Variants in DYNC2H1 observed in about 807,000 individuals in gnomAD.
The protein encoded by DYNC2H1 is cytoplasmic dynein 2 heavy chain 1.
A neutral mutation model predicts 570.0 loss-of-function variants in DYNC2H1; 410 were observed. The ratio of observed to expected loss-of-function variants is 0.72; its 90% confidence interval spans 0.66 to 0.78. DYNC2H1 has a LOEUF of 0.78. Among genes scored for constraint, DYNC2H1 ranks in the 30% least tolerant of loss-of-function variants. DYNC2H1 has a pLI of 0.00. For missense variants in DYNC2H1, 4,865 were observed against 5,046.4 expected, an observed-to-expected ratio of 0.96 and a Z score of 1.09; for synonymous variants, 1,688 against 1,677.6, an observed-to-expected ratio of 1.01 and a Z score of -0.15.
At chr11:103,394,456 A>G (rs1942305057) in intron 83 of DYNC2H1, among the ~76,000 whole-genome samples, 1 of 152,144 alleles carries the variant, frequency 6.6e-6, no homozygotes, top group South Asian at 2.1e-4. Context: ...TTATGTGTGC[A>G]GTTTATGTGC....
At chr11:103,376,263 C>T (rs569498213) in intron 83 of DYNC2H1, among the ~76,000 whole-genome samples, 2 of 152,264 alleles carry the variant, frequency 1.3e-5, no homozygotes, top group Non-Finnish European at 2.9e-5. Flanking sequence ...TCAGGTAATT[C>T]CTTATAGCAA....
Position 103,246,677 on chromosome 11 carries a change from T to C in DYNC2H1, c.10042+1303T>C, listed in dbSNP as rs529243866. On this transcript the variant is annotated intron_variant, in intron 65 of 88. Transcript: ENST00000375735. The stretch of plus-strand genomic sequence containing the variant: ...TCACACTAGTCTGTTATCCCCTTTG[T>C]GTATATTCCAGATATTGTCCTTTTC... 2.0e-5 allele frequency among the ~76,000 whole-genome samples: 3 copies of C among 152,196 alleles called. No homozygotes were observed. In the South Asian group the frequency reaches 6.2e-4, roughly 32 times the overall value.
intron 13 of DYNC2H1, among the ~76,000 whole-genome samples, chr11:103,130,190 G>T (rs760964431): frequency 1.2e-4 from 19 of 152,128 alleles, no homozygotes; most frequent in Non-Finnish European, 2.5e-4. Context: ...TGGCCACGTA[G>T]ACACTTTCTG....
At chr11:103,455,152 G>C in intron 85 of DYNC2H1, 34 bp from the exon 86 acceptor site, 3 of 1,487,654 alleles carry the variant, frequency 2.0e-6, no homozygotes, top group Non-Finnish European at 2.8e-6. Flanking sequence ...ATAAGTGTGT[G>C]TGTATTTATA....
At position 103,294,427 on chromosome 11, in the gene DYNC2H1, A is replaced by G. The variant is rs1194518810; in HGVS notation, c.11095+6822A>G. Among the ~76,000 whole-genome samples, 227 of 152,306 alleles carry G rather than the reference A, an allele frequency of 1.5e-3. 4 individuals are homozygous for G. The highest frequency in any genetic ancestry group is 0.015 in the Admixed American group (226 of 15,288). ...CTGTTTTCACTAAAGCTGTTTTAGCACTATTGGGAACCCTAAGCCCAAGAA... is the reference window on the plus strand; with the variant it reads ...CTGTTTTCACTAAAGCTGTTTTAGCGCTATTGGGAACCCTAAGCCCAAGAA... On this transcript the variant is annotated intron_variant, in intron 75 of 88. Coordinates refer to ENST00000375735, the MANE Select transcript of DYNC2H1 (RefSeq NM_001377.3).
Position 103,155,479 on chromosome 11 carries a change from T to C in DYNC2H1, c.3722T>C (p.Val1241Ala). The C allele has an allele frequency of 1.2e-6, 2 of 1,609,552 alleles. No homozygotes were observed. Among genetic ancestry groups the C allele is most frequent in the Non-Finnish European group, 1.7e-6 (2 of 1,178,098 alleles). The change falls in exon 25 of 89, where the codon GTA (valine) becomes GCA (alanine). Residue 1241 changes from valine (V) to alanine (A), a missense_variant. By Grantham distance (64) the Val-to-Ala change is moderately conservative. Transcript: ENST00000375735. ...GDLLRVADTI[V>A]AKAADLKDLN... ...TTGCTCAGAGTAGCTGATACAATTG[T>C]AGCCAAAGCTGCCGACCTTAAAGTA...
intron 75 of DYNC2H1, among the ~76,000 whole-genome samples, chr11:103,288,916 G>A (rs1866473946): frequency 6.6e-6 from 1 of 151,116 alleles, no homozygotes; most frequent in Non-Finnish European, 1.5e-5. Context: ...TTATGGTTTA[G>A]GGGTCATGCA....
intron 85 of DYNC2H1, among the ~76,000 whole-genome samples, chr11:103,442,370 A>G (rs2086901674): frequency 6.6e-6 from 1 of 152,112 alleles, no homozygotes; most frequent in Admixed American, 6.6e-5. Flanking sequence ...CCAAGCTTTA[A>G]GTTGGGTTAT....
chr11:103,215,920 A>G, intron 55 of DYNC2H1, 62 bp downstream of exon 55: 1 of 1,542,834 alleles, frequency 6.5e-7, no homozygotes, highest in Non-Finnish European at 8.8e-7. Flanking sequence ...CCTGATAGTC[A>G]GTGAAAAATA....
At chr11:103,367,994 C>A (rs780371394) in intron 83 of DYNC2H1, among the ~76,000 whole-genome samples, 4 of 152,004 alleles carry the variant, frequency 2.6e-5, no homozygotes, top group African/African-American at 7.2e-5. Context: ...TGTATATATA[C>A]CATGTTTTCT....
At chr11:103,458,754 T>C (rs1331216713) in intron 87 of DYNC2H1, among the ~76,000 whole-genome samples, 4 of 152,116 alleles carry the variant, frequency 2.6e-5, no homozygotes, top group Non-Finnish European at 1.5e-5. Flanking sequence ...TGGAAACTTT[T>C]TCCCCAGCAA....
chr11:103,367,375 C>T (rs1181958080), intron 83 of DYNC2H1, among the ~76,000 whole-genome samples: 2 of 152,118 alleles, frequency 1.3e-5, no homozygotes, highest in Non-Finnish European at 2.9e-5. Flanking sequence ...AGGACACCTA[C>T]TCCCATTTTT....
intron 1 of DYNC2H1, among the ~76,000 whole-genome samples, chr11:103,110,819 G>GC (rs1460040636): frequency 6.7e-6 from 1 of 148,392 alleles, no homozygotes; most frequent in Admixed American, 6.8e-5. Flanking sequence ...AACATTCAGT[G>GC]CCTTTTTTTT....
intron 17 of DYNC2H1, among the ~76,000 whole-genome samples, chr11:103,142,282 A>T (rs1314358341): frequency 6.6e-6 from 1 of 152,198 alleles, no homozygotes; most frequent in African/African-American, 2.4e-5. Flanking sequence ...GAAATGCAGA[A>T]ATCACCTGTC....
rs190995570 is a variant in DYNC2H1, at chr11:103,424,145, A to T, written c.12367-11798A>T. Among the ~76,000 whole-genome samples the T allele has an allele frequency of 2.2e-3, 336 of 152,248 alleles. 1 individual carries two copies. The highest frequency in any genetic ancestry group is 5.8e-3 in the South Asian group (28 of 4,830). Reference sequence around the variant, plus strand: ...GGATCCAGAGTATTTTGGGGGATTGATAAAAATATTCTGGAATTAGTGGTT... The same window carrying T: ...GGATCCAGAGTATTTTGGGGGATTGTTAAAAATATTCTGGAATTAGTGGTT... On this transcript the variant is annotated intron_variant, in intron 84 of 88. Coordinates refer to ENST00000375735, the MANE Select transcript of DYNC2H1 (RefSeq NM_001377.3).
At chr11:103,349,281 G>T (rs559306342) in intron 82 of DYNC2H1, among the ~76,000 whole-genome samples, 2 of 152,088 alleles carry the variant, frequency 1.3e-5, no homozygotes, top group Admixed American at 1.3e-4. Context: ...ATATATAATA[G>T]ATATTATTTT....
At chr11:103,440,916 A>G (rs1240467607) in intron 85 of DYNC2H1, among the ~76,000 whole-genome samples, 1 of 152,152 alleles carries the variant, frequency 6.6e-6, no homozygotes, top group African/African-American at 2.4e-5. Context: ...TGCAGCCACT[A>G]TCTAACTAGA....
chr11:103,354,739 G>T (rs1319403861), intron 82 of DYNC2H1, among the ~76,000 whole-genome samples: 1 of 150,784 alleles, frequency 6.6e-6, no homozygotes, highest in Non-Finnish European at 1.5e-5. Flanking sequence ...AACATGTTTT[G>T]CCTTCCATTG....
In DYNC2H1 at chr11:103,176,341, G is replaced by A. The variant is rs1861809840; in HGVS notation, c.5781G>A (p.Pro1927=). 2.5e-6 allele frequency: 4 copies of A among 1,584,012 alleles called. No homozygotes were observed. The highest frequency in any genetic ancestry group is 2.3e-5 in the East Asian group (1 of 43,472). Reference sequence around the variant, plus strand: ...ATGCACTGATAAAAGATGTCTTTCCGGGAATTGAATTGAAAGAAGTGGAAT... The same window carrying A: ...ATGCACTGATAAAAGATGTCTTTCCAGGAATTGAATTGAAAGAAGTGGAAT... The part of the protein sequence containing the change: ...RFDALIKDVF[P]GIELKEVEYD... Residue 1927 remains proline, a synonymous_variant, in exon 37 of 89, where the codon CCG becomes CCA. Transcript: ENST00000375735.
Sources: gnomAD v4.1 joint callset for allele counts (sites outside exome capture counted in the v4.1 genomes callset) on GRCh38, gnomAD v4.1.1 for gene constraint, MANE v1.5 for transcripts, NCBI Gene and HGNC (gene_info 2026-07-23, HGNC 2026-07-21) for gene names.